Variants in SLC35D1 observed in about 807,000 individuals in gnomAD.
The protein encoded by SLC35D1 is nucleotide sugar transporter SLC35D1.
A neutral mutation model predicts 46.7 loss-of-function variants in SLC35D1; 31 were observed. The ratio of observed to expected loss-of-function variants is 0.66; its 90% CI spans 0.50 to 0.90. The LOEUF is 0.90. SLC35D1 is among the 40% of genes least tolerant of loss of function. The probability of loss-of-function intolerance (pLI) is 0.00; values close to 1 mark genes in which losing one functional copy is unlikely to be tolerated. For missense variants in SLC35D1, 397 were observed against 426.2 expected, an observed-to-expected ratio of 0.93 and a Z score of 0.60; for synonymous variants, 195 against 164.6, an observed-to-expected ratio of 1.18 and a Z score of -1.41.
chr1:67,033,893 T>C (rs1668071533), intron 8 of SLC35D1, among the ~76,000 whole-genome samples: 1 of 152,218 alleles, frequency 6.6e-6, no homozygotes, highest in Non-Finnish European at 1.5e-5. Context: ...AGCGTCATTT[T>C]TTGCATATGT....
intron 8 of SLC35D1, among the ~76,000 whole-genome samples, chr1:67,024,306 T>A (rs1319881367): frequency 1.3e-5 from 2 of 152,184 alleles, no homozygotes; most frequent in Non-Finnish European, 2.9e-5. Context: ...GTTGATGTAG[T>A]CTAACATCAA....
At chr1:66,997,552 TAG>T (rs1667254070), downstream of SLC35D1, among the ~76,000 whole-genome samples, 47 of 119,172 alleles carry the variant, frequency 3.9e-4, no homozygotes, top group African/African-American at 1.4e-3. Context: ...CCTTTAGATA[TAG>T]ATATATCTGT....
chr1:67,021,755 A>G (rs1049876426), intron 8 of SLC35D1, among the ~76,000 whole-genome samples, 153 bp from the exon 9 acceptor site: 2 of 151,504 alleles, frequency 1.3e-5, no homozygotes, highest in African/African-American at 4.9e-5. Flanking sequence ...ACACACACAC[A>G]CACAGGTATA....
At chr1:67,023,226 CTT>C (rs1022283445) in intron 8 of SLC35D1, among the ~76,000 whole-genome samples, 9 of 152,114 alleles carry the variant, frequency 5.9e-5, no homozygotes, top group African/African-American at 2.2e-4. Context: ...TTAGGTGTAT[CTT>C]TAACTTCGTA....
chr1:66,998,424 T>C (rs538737953), downstream of SLC35D1, among the ~76,000 whole-genome samples: 344 of 152,086 alleles, frequency 2.3e-3, 1 homozygote, highest in African/African-American at 7.8e-3. Context: ...GGGAAGTAGA[T>C]AGAGGTTGCA....
intron 10 of SLC35D1, among the ~76,000 whole-genome samples, chr1:67,013,642 G>A (rs931683687): frequency 2.0e-5 from 3 of 151,980 alleles, no homozygotes; most frequent in South Asian, 2.1e-4. Context: ...AAAGAATCTA[G>A]AGGGCACTTC....
chr1:66,979,826 G>A, the SLC35D1 span, among the ~76,000 whole-genome samples: 3 of 151,100 alleles, frequency 2.0e-5, no homozygotes, highest in Non-Finnish European at 2.9e-5. Context: ...GTACAGTGGC[G>A]CAATCTCGGC....
chr1:66,974,656 TTCTCATA>T, the SLC35D1 span, among the ~76,000 whole-genome samples: 4 of 152,198 alleles, frequency 2.6e-5, no homozygotes, highest in East Asian at 7.7e-4. Flanking sequence ...TAACCTTGAT[TTCTCATA>T]AATATTTGGG....
the SLC35D1 span, among the ~76,000 whole-genome samples, chr1:66,982,670 A>C: frequency 2.0e-5 from 3 of 152,234 alleles, no homozygotes; most frequent in African/African-American, 4.8e-5. Flanking sequence ...TGAAGAGCTG[A>C]CTTCTTCCTG....
chr1:67,034,432 T>A (rs1158163438), intron 8 of SLC35D1, among the ~76,000 whole-genome samples: 2 of 152,202 alleles, frequency 1.3e-5, no homozygotes, highest in East Asian at 3.8e-4. Context: ...TAAGTTAAAG[T>A]ATTTTATTTC....
At chr1:67,045,729 T>A (rs186940217) in intron 7 of SLC35D1, among the ~76,000 whole-genome samples, 28 of 152,296 alleles carry the variant, frequency 1.8e-4, no homozygotes, top group Non-Finnish European at 3.7e-4. Flanking sequence ...TATTTCAATT[T>A]AATTATAATC....
intron 8 of SLC35D1, among the ~76,000 whole-genome samples, chr1:67,031,258 C>A (rs1668011715): frequency 6.6e-6 from 1 of 152,108 alleles, no homozygotes; most frequent in Non-Finnish European, 1.5e-5. Flanking sequence ...CACAAGCACG[C>A]TGTTGCATTC....
intron 8 of SLC35D1, among the ~76,000 whole-genome samples, chr1:67,039,495 G>GTGTGTGTGTA (rs1668196065): frequency 1.0e-5 from 1 of 95,424 alleles, no homozygotes; most frequent in African/African-American, 8.2e-5. Flanking sequence ...TGAAAAAATT[G>GTGTGTGTGTA]TGTGTGTGTG....
chr1:67,016,038 CATATT>C (rs2102264281), intron 10 of SLC35D1, among the ~76,000 whole-genome samples: 1 of 151,896 alleles, frequency 6.6e-6, no homozygotes, highest in African/African-American at 2.4e-5. Context: ...CTAAGAGAAA[CATATT>C]AGCCTTATTT....
the SLC35D1 span, among the ~76,000 whole-genome samples, chr1:66,988,863 A>T: frequency 6.6e-6 from 1 of 152,200 alleles, no homozygotes; most frequent in African/African-American, 2.4e-5. Flanking sequence ...GGCTTCAGAG[A>T]TGCGGCATGC....
chr1:66,984,527 A>G, the SLC35D1 span: 5 of 1,412,732 alleles, frequency 3.5e-6, no homozygotes, highest in Non-Finnish European at 4.8e-6. Context: ...TTGCAAATTT[A>G]ACTTTTTTCT....
chr1:66,988,572 T>TAAAG, the SLC35D1 span: 2 of 152,268 alleles, frequency 1.3e-5, no homozygotes, highest in African/African-American at 4.8e-5. Context: ...TTAGTTAGTA[T>TAAAG]AAAGAATTAT....
At chr1:67,032,560 A>G (rs146162865) in intron 8 of SLC35D1, among the ~76,000 whole-genome samples, 1 of 152,216 alleles carries the variant, frequency 6.6e-6, no homozygotes, top group East Asian at 1.9e-4. Context: ...GTGCACCTGT[A>G]ATCCCAGCTA....
chr1:66,985,191 G>A, the SLC35D1 span: 1 of 982,152 alleles, frequency 1.0e-6, no homozygotes. Context: ...ACTAATTTTG[G>A]TAAATCTGAA....
Sources: allele counts gnomAD v4.1 joint callset (sites outside exome capture counted in the v4.1 genomes callset), GRCh38; gene constraint gnomAD v4.1.1; transcripts MANE v1.5; gene names NCBI Gene and HGNC (gene_info 2026-07-23, HGNC 2026-07-21).